Variants in DNM3 observed in about 807,000 individuals in gnomAD.
DNM3 encodes the protein dynamin-3.
A neutral mutation model predicts 101.6 loss-of-function variants in DNM3; 47 were observed. That is an observed-to-expected ratio of 0.46 (90% CI 0.37 to 0.59). The LOEUF (loss-of-function observed/expected upper bound fraction) is 0.59, where lower values mean the gene tolerates loss of function less well. Ranked by LOEUF, DNM3 falls within the 20% of genes least tolerant of loss-of-function variation. The pLI is 0.00. For synonymous variants in DNM3, 385 were observed against 387.9 expected, an observed-to-expected ratio of 0.99 and a Z score of 0.09; for missense variants, 849 against 1,085.7, an observed-to-expected ratio of 0.78 and a Z score of 3.06.
intron 15 of DNM3, chr1:172,289,959 A>T: frequency 1.1e-6 from 1 of 928,066 alleles, no homozygotes; most frequent in Non-Finnish European, 1.3e-6. Flanking sequence ...GACAATTTAT[A>T]GTCCTAATTT....
intron 14 of DNM3, among the ~76,000 whole-genome samples, chr1:172,146,888 A>G (rs971607511): frequency 2.0e-5 from 3 of 152,154 alleles, no homozygotes; most frequent in Non-Finnish European, 4.4e-5. Context: ...TAGTCTGTAC[A>G]TCTATATGCC....
intron 14 of DNM3, among the ~76,000 whole-genome samples, chr1:172,188,619 G>C (rs931352515): frequency 3.9e-4 from 59 of 151,942 alleles, no homozygotes; most frequent in African/African-American, 1.4e-3. Flanking sequence ...TGGCAATTAT[G>C]AAAAAAGCTA....
In DNM3 at chr1:171,847,648, C is replaced by T. The variant is rs2032330275; in HGVS notation, c.161+5831C>T. ...TATAAGGACTTCCAAGGCACTAATA[C>T]TTAAGGGAGGTGAATTCTATTTTCC... On this transcript the variant is annotated intron_variant, in intron 1 of 20. Transcript: ENST00000627582. Among the ~76,000 whole-genome samples, 3 of 151,980 alleles carry T rather than the reference C, an allele frequency of 2.0e-5. No homozygotes were observed. The South Asian group carries it at 6.2e-4, about 31-fold the overall frequency.
intron 10 of DNM3, among the ~76,000 whole-genome samples, chr1:172,056,084 CG>C (rs1368091904): frequency 6.6e-6 from 1 of 152,130 alleles, no homozygotes; most frequent in Admixed American, 6.5e-5. Flanking sequence ...GGGTGACGGA[CG>C]GCACCTGGAA....
In DNM3 at chr1:172,033,196, T is replaced by G. The variant is rs368169649; in HGVS notation, c.780T>G (p.Leu260=). The change falls in exon 6 of 21, where the codon CTT becomes CTG. Residue 260 remains leucine, a synonymous_variant. Transcript: ENST00000627582. ...TGCTGGCAGAGAGGAAGTTTTTCCT[T>G]TCCCACCCGGCTTACAGACATATCG... ...AAMLAERKFF[L]SHPAYRHIAD... 137 of 1,609,452 alleles carry G rather than the reference T, an allele frequency of 8.5e-5. No individual in the cohort carries two copies. Among genetic ancestry groups the G allele is most frequent in the Non-Finnish European group, 1.0e-4 (121 of 1,177,952 alleles).
chr1:172,065,427 T>C (rs2051573771), intron 10 of DNM3, among the ~76,000 whole-genome samples: 1 of 152,172 alleles, frequency 6.6e-6, no homozygotes, highest in Admixed American at 6.6e-5. Context: ...GGCTAATGTT[T>C]GGTGTCAGAT....
chr1:172,064,721 T>C (rs909951663), intron 10 of DNM3, among the ~76,000 whole-genome samples: 1 of 152,170 alleles, frequency 6.6e-6, no homozygotes, highest in South Asian at 2.1e-4. Context: ...AACCAAGATT[T>C]TGACTCTTAT....
intron 4 of DNM3, among the ~76,000 whole-genome samples, chr1:172,019,388 C>A (rs1021651718): frequency 6.7e-6 from 1 of 150,124 alleles, no homozygotes; most frequent in Non-Finnish European, 1.5e-5. Context: ...TATTTGCAAT[C>A]CTTTACTTCT....
intron 14 of DNM3, among the ~76,000 whole-genome samples, chr1:172,228,837 C>T (rs189796410): frequency 1.2e-3 from 182 of 152,150 alleles, no homozygotes; most frequent in Non-Finnish European, 2.1e-3. Context: ...AGATACCCTA[C>T]GTTCATTTAA....
intron 15 of DNM3, among the ~76,000 whole-genome samples, chr1:172,308,468 C>T (rs921259220): frequency 6.6e-6 from 1 of 152,180 alleles, no homozygotes; most frequent in Non-Finnish European, 1.5e-5. Flanking sequence ...ATATTGAATA[C>T]ATTTGTATTT....
chr1:172,109,507 A>C (rs1245097461), intron 13 of DNM3, among the ~76,000 whole-genome samples: 2 of 152,076 alleles, frequency 1.3e-5, no homozygotes, highest in Non-Finnish European at 2.9e-5. Flanking sequence ...ATCTCCTATA[A>C]CTTCTGGCAT....
chr1:171,918,839 A>G (rs891338289), intron 1 of DNM3, among the ~76,000 whole-genome samples: 5 of 152,248 alleles, frequency 3.3e-5, no homozygotes, highest in Non-Finnish European at 5.9e-5. Context: ...AATGTTTGAT[A>G]CATTCTATTT....
At chr1:172,258,109 A>C in intron 15 of DNM3, among the ~76,000 whole-genome samples, 1 of 152,146 alleles carries the variant, frequency 6.6e-6, no homozygotes, top group East Asian at 1.9e-4. Context: ...TGCAAATGAC[A>C]TGATTTTATT....
intron 1 of DNM3, among the ~76,000 whole-genome samples, chr1:171,880,393 T>G (rs2036161468): frequency 6.6e-6 from 1 of 152,262 alleles, no homozygotes; most frequent in Non-Finnish European, 1.5e-5. Context: ...CCTGTATGTC[T>G]TCTGTTTAGA....
intron 14 of DNM3, among the ~76,000 whole-genome samples, chr1:172,229,589 T>TA (rs2061257233): frequency 1.3e-5 from 2 of 152,182 alleles, no homozygotes; most frequent in South Asian, 4.1e-4. Flanking sequence ...TCCATAGGTT[T>TA]AACTCTAGCA....
chr1:171,921,686 T>A (rs937191941), intron 1 of DNM3, 62 bp from the exon 2 acceptor site: 2 of 1,401,048 alleles, frequency 1.4e-6, no homozygotes. Context: ...GAACTTGGTT[T>A]ATGAATGTAC....
intron 14 of DNM3, among the ~76,000 whole-genome samples, chr1:172,202,771 G>C (rs1376067409): frequency 1.3e-5 from 2 of 152,062 alleles, no homozygotes; most frequent in Non-Finnish European, 2.9e-5. Flanking sequence ...ATTTGATAAA[G>C]GTTTAATCTA....
At chr1:171,966,775 T>G (rs2043619130) in intron 2 of DNM3, among the ~76,000 whole-genome samples, 1 of 152,088 alleles carries the variant, frequency 6.6e-6, no homozygotes, top group Non-Finnish European at 1.5e-5. Flanking sequence ...TAAAATGAGG[T>G]GGAATTTGGC....
intron 14 of DNM3, among the ~76,000 whole-genome samples, chr1:172,172,089 C>A (rs2058982533): frequency 6.6e-6 from 1 of 151,496 alleles, no homozygotes; most frequent in African/African-American, 2.4e-5. Flanking sequence ...TGGGAAACAA[C>A]CCTCTGGGAT....
Sources: allele counts gnomAD v4.1 joint callset (sites outside exome capture counted in the v4.1 genomes callset), GRCh38; gene constraint gnomAD v4.1.1; transcripts MANE v1.5; gene names NCBI Gene and HGNC (gene_info 2026-07-23, HGNC 2026-07-21).